ANK3: variants seen among roughly 807,000 people sequenced by gnomAD.
The protein encoded by ANK3 is ankyrin-3.
In ANK3, 57 loss-of-function variants were observed where a neutral mutation model predicts 370.9. The ratio of observed to expected loss-of-function variants is 0.15; its 90% CI spans 0.12 to 0.19. ANK3 has a LOEUF of 0.19. Ranked by LOEUF, ANK3 falls within the 10% of genes least tolerant of loss-of-function variation. ANK3 has a pLI of 1.00. For synonymous variants in ANK3, 1,929 were observed against 1,946.3 expected (o/e 0.99, Z 0.23); for missense variants, 4,439 against 5,302.1 (o/e 0.84, Z 5.06).
intron 7 of ANK3, among the ~76,000 whole-genome samples, chr10:60,240,153 T>TACATATATACACATATATAC: frequency 2.3e-5 from 3 of 132,218 alleles, no homozygotes; most frequent in South Asian, 4.7e-4. Context: ...CACATATATA[T>TACATATATACACATATATAC]ACATATATAC....
chr10:60,470,097 A>C (rs895525227), intron 2 of ANK3, among the ~76,000 whole-genome samples: 1 of 152,156 alleles, frequency 6.6e-6, no homozygotes, highest in Non-Finnish European at 1.5e-5. Context: ...CTTCCGTGTC[A>C]GTCTACAAAG....
chr10:60,395,626 C>CGT (rs1387681089), intron 2 of ANK3, among the ~76,000 whole-genome samples: 11,854 of 64,600 alleles, frequency 0.18, 687 homozygotes, highest in Non-Finnish European at 0.24. Flanking sequence ...CGTTCTCTCT[C>CGT]TCTCTCTCTC....
At chr10:60,051,756 CCAGGAT>C (rs1485187469) in intron 42 of ANK3, among the ~76,000 whole-genome samples, 2 of 139,476 alleles carry the variant, frequency 1.4e-5, no homozygotes, top group East Asian at 4.3e-4. Flanking sequence ...AAATTTTTGA[CCAGGAT>C]TCTAAGTGAA....
rs1555186003 is a variant in ANK3 at position 60,240,306 on chromosome 10, A to AT, written c.799-5521dup. On this transcript the variant is annotated intron_variant, in intron 7 of 43. Transcript: ENST00000280772. ...CATATATATATATATATATATATAT[A>AT]TTTTTTTTTCTTTTTGAGATAGAGT... Among the ~76,000 whole-genome samples, 31 of 119,752 alleles carry AT rather than the reference A, an allele frequency of 2.6e-4. 1 individual carries two copies. The highest frequency in any genetic ancestry group is 6.9e-4 in the African/African-American group (22 of 31,744). The allele number at this position is 119,752 out of a possible 152,430, so 78.6% of individuals were successfully genotyped here. A position where few individuals can be genotyped will look rare whatever the true frequency, so the allele number is the denominator to read the frequency against.
At chr10:60,179,723 T>C (rs1403279889) in intron 18 of ANK3, among the ~76,000 whole-genome samples, 1 of 150,936 alleles carries the variant, frequency 6.6e-6, no homozygotes, top group African/African-American at 2.4e-5. Flanking sequence ...GGACCTGAGT[T>C]GGGCTGGGTT....
At chr10:60,395,281 T>C (rs1419766697) in intron 2 of ANK3, among the ~76,000 whole-genome samples, 1 of 152,222 alleles carries the variant, frequency 6.6e-6, no homozygotes, top group Non-Finnish European at 1.5e-5. Context: ...TATATATTGA[T>C]TCATGTTGAA....
At chr10:60,566,288 A>G (rs1404879642) in intron 2 of ANK3, among the ~76,000 whole-genome samples, 1 of 152,190 alleles carries the variant, frequency 6.6e-6, no homozygotes, top group East Asian at 1.9e-4. Flanking sequence ...TATTGAAATT[A>G]GGCCAAGTAA....
chr10:60,387,385 T>C (rs1341412456), intron 1 of ANK3, among the ~76,000 whole-genome samples: 1 of 152,200 alleles, frequency 6.6e-6, no homozygotes, highest in Non-Finnish European at 1.5e-5. Context: ...CATATATGGC[T>C]ATGCCACTGA....
intron 2 of ANK3, among the ~76,000 whole-genome samples, chr10:60,611,889 A>C (rs2078206791): frequency 6.6e-6 from 1 of 151,134 alleles, no homozygotes; most frequent in African/African-American, 2.4e-5. Context: ...AAAGCAGTGG[A>C]GAAGTGGGGC....
intron 7 of ANK3, among the ~76,000 whole-genome samples, chr10:60,237,089 A>G (rs1252128263): frequency 6.6e-6 from 1 of 152,252 alleles, no homozygotes; most frequent in Non-Finnish European, 1.5e-5. Context: ...AGGTTACAAA[A>G]GAGGAAGTGA....
At chr10:60,600,307 C>T (rs1173047264) in intron 2 of ANK3, among the ~76,000 whole-genome samples, 2 of 152,084 alleles carry the variant, frequency 1.3e-5, no homozygotes, top group African/African-American at 2.4e-5. Context: ...CTGGAATTTG[C>T]CAAGACTACT....
chr10:60,439,960 T>C (rs1408445872), intron 2 of ANK3, among the ~76,000 whole-genome samples: 1 of 152,202 alleles, frequency 6.6e-6, no homozygotes, highest in Non-Finnish European at 1.5e-5. Context: ...AATTAGTTAA[T>C]TAATACATTC....
At chr10:60,448,186 C>T (rs2064500967) in intron 2 of ANK3, among the ~76,000 whole-genome samples, 1 of 152,188 alleles carries the variant, frequency 6.6e-6, no homozygotes, top group South Asian at 2.1e-4. Flanking sequence ...AGCCTGTGCG[C>T]TAATGTCTAT....
intron 9 of ANK3, among the ~76,000 whole-genome samples, chr10:60,210,393 C>T (rs1326717531): frequency 1.3e-5 from 2 of 151,818 alleles, no homozygotes; most frequent in African/African-American, 4.8e-5. Flanking sequence ...ACGGGGACCA[C>T]AGAGATCTGG....
chr10:60,365,181 T>C (rs952208210), intron 1 of ANK3, among the ~76,000 whole-genome samples: 3 of 151,612 alleles, frequency 2.0e-5, no homozygotes, highest in Middle Eastern at 3.4e-3. Context: ...AGATATTCTT[T>C]ATAAAGATCT....
Position 60,322,931 on chromosome 10 carries a change from A to G in ANK3, c.115-43292T>C, listed in dbSNP as rs139178752. On this transcript the variant is annotated intron_variant, in intron 1 of 43. Transcript: ENST00000280772. ...AGTTCTTCATTTACTGAGACAGGCAAGACTATGGGAAGAGCAGGTTGGGCA... is the reference window on the plus strand; with the variant it reads ...AGTTCTTCATTTACTGAGACAGGCAGGACTATGGGAAGAGCAGGTTGGGCA... Among the ~76,000 whole-genome samples the G allele has an allele frequency of 1.1e-3, 160 of 152,268 alleles. 1 individual carries two copies. The highest frequency in any genetic ancestry group is 3.8e-3 in the African/African-American group (159 of 41,550).
chr10:60,196,247 A>T lies in ANK3; in HGVS notation c.1789-4T>A. The T allele has an allele frequency of 6.2e-7, 1 of 1,613,340 alleles. No individual in the cohort carries two copies. Among genetic ancestry groups the T allele is most frequent in the Admixed American group, 1.7e-5 (1 of 59,970 alleles). ...CATGCAGTGGTGTTAGCCCGCTCTGAAAACACGTGCAGAAACAACAACCAG... is the reference window on the plus strand; with the variant it reads ...CATGCAGTGGTGTTAGCCCGCTCTGTAAACACGTGCAGAAACAACAACCAG... On this transcript the variant is annotated splice_polypyrimidine_tract_variant and splice_region_variant and intron_variant, in intron 15 of 43. Coordinates refer to ENST00000280772, the MANE Select transcript of ANK3 (RefSeq NM_020987.5).
At chr10:60,731,659 C>T (rs985569354) in intron 1 of ANK3, among the ~76,000 whole-genome samples, 1 of 152,178 alleles carries the variant, frequency 6.6e-6, no homozygotes, top group Non-Finnish European at 1.5e-5. Context: ...ACTTTCATTA[C>T]AGAAATTTGC....
intron 2 of ANK3, among the ~76,000 whole-genome samples, chr10:60,403,207 A>G (rs569716987): frequency 2.0e-5 from 3 of 152,344 alleles, no homozygotes; most frequent in African/African-American, 7.2e-5. Flanking sequence ...CAATCATTAC[A>G]AAAACAATTA....
Sources: gnomAD v4.1 joint callset for allele counts (sites outside exome capture counted in the v4.1 genomes callset) on GRCh38, gnomAD v4.1.1 for gene constraint, MANE v1.5 for transcripts, NCBI Gene and HGNC (gene_info 2026-07-23, HGNC 2026-07-21) for gene names.